MYO15B: variants seen among roughly 807,000 people sequenced by gnomAD.
MYO15B encodes the protein myosin XVB pseudogene.
A neutral mutation model predicts 119.3 loss-of-function variants in MYO15B; 207 were observed. The observed-to-expected ratio is 1.73, with a 90% confidence interval of 1.55 to 1.95. The LOEUF is 1.95. Ranked by LOEUF, MYO15B falls within the 30% of genes most tolerant of loss-of-function variation. The probability of loss-of-function intolerance (pLI) is 0.00; values close to 1 mark genes in which losing one functional copy is unlikely to be tolerated. For synonymous variants in MYO15B, 966 were observed against 498.9 expected (o/e 1.94, Z -12.48); for missense variants, 2,264 against 1,203.1 (o/e 1.88, Z -13.04).
chr17:75,589,513 G>A lies in MYO15B; in HGVS notation c.1456G>A (p.Gly486Arg). 2.5e-6 allele frequency: 1 copy of A among 398,652 alleles called. No individual in the cohort carries two copies. The highest frequency in any genetic ancestry group is 6.3e-4 in the Middle Eastern group (1 of 1,592). 24.7% of individuals were successfully genotyped at this position (398,652 alleles called of 1,614,324 possible). A position where few individuals can be genotyped will look rare whatever the true frequency, so the allele number is the denominator to read the frequency against. ...CCGGGACCACCAGAGAGGGTACGAG[G>A]GGTGGGGCCGTGAGCCCGGGCTGCG... Residue 486 changes from glycine to arginine, a missense_variant, in exon 1 of 64, where the codon GGG (glycine) becomes AGG (arginine). Physicochemically the swap from Gly to Arg is moderately radical, Grantham distance 125. Transcript: ENST00000645453. This position sits in a 1 kb window ranked among gnomAD's most constrained non-coding sequence, Gnocchi z 4.2.
At position 75,619,343 on chromosome 17, in the gene MYO15B, C is replaced by T; in HGVS notation, c.7064-15C>T. 1.4e-6 allele frequency: 1 copy of T among 702,592 alleles called. No homozygotes were observed. The highest frequency in any genetic ancestry group is 2.6e-6 in the Non-Finnish European group (1 of 384,872). 43.5% of individuals were successfully genotyped at this position (702,592 alleles called of 1,614,324 possible). On this transcript the variant is annotated splice_polypyrimidine_tract_variant and intron_variant, in intron 44 of 63. Coordinates refer to ENST00000645453, the Ensembl canonical transcript of MYO15B. The stretch of plus-strand genomic sequence containing the variant: ...TGTGTGAGCAGAGGGCAGCCTGGGT[C>T]CTTCCTGCCCACAGGAGGCTTGGAG...
In MYO15B at chr17:75,589,515, G is replaced by T. The variant is rs1404288957; in HGVS notation, c.1458G>T (p.Gly486=). 3 of 398,476 alleles carry T rather than the reference G, an allele frequency of 7.5e-6. No homozygotes were observed. The highest frequency in any genetic ancestry group is 1.3e-5 in the Non-Finnish European group (3 of 226,086). The allele number at this position is 398,476 out of a possible 1,614,324, so 24.7% of individuals were successfully genotyped here. ...GGGACCACCAGAGAGGGTACGAGGG[G>T]TGGGGCCGTGAGCCCGGGCTGCGGC... The change falls in exon 1 of 64, where the codon GGG becomes GGT. Residue 486 remains glycine, a synonymous_variant. Transcript: ENST00000645453. This position sits in a 1 kb window ranked among gnomAD's most constrained non-coding sequence, Gnocchi z 4.2.
intron 25 of MYO15B, among the ~76,000 whole-genome samples, chr17:75,612,442 G>A (rs956583372): frequency 1.3e-5 from 2 of 152,192 alleles, no homozygotes; most frequent in Non-Finnish European, 2.9e-5. Flanking sequence ...GGAGGCCGAG[G>A]TGGGTGGATC....
intron 14 of MYO15B, chr17:75,600,747 A>C (rs2057223776): frequency 6.6e-6 from 1 of 151,130 alleles, no homozygotes; most frequent in Non-Finnish European, 1.5e-5. Flanking sequence ...CACCATGCCC[A>C]GCTAATTTTT....
chr17:75,617,142 GC>G lies in MYO15B; in HGVS notation c.6656del (p.Pro2219ArgfsTer55). ...GCCAGCTGTGGCTCCTCGACCCAAG[GC>G]CCCGCTACAGCTTGGGCCCTCTAGC... On this transcript the variant is annotated frameshift_variant, in exon 41 of 64. Transcript: ENST00000645453. LOFTEE classifies it high-confidence loss of function. 1 of 686,338 alleles carries G rather than the reference GC, an allele frequency of 1.5e-6. No homozygotes were observed. The highest frequency in any genetic ancestry group is 2.7e-6 in the Non-Finnish European group (1 of 375,166). 42.5% of individuals were successfully genotyped at this position (686,338 alleles called of 1,614,324 possible). A position where few individuals can be genotyped will look rare whatever the true frequency, so the allele number is the denominator to read the frequency against.
chr17:75,588,197 G>A (rs911946190), exon 1 of MYO15B: 1 of 397,878 alleles, frequency 2.5e-6, no homozygotes, highest in African/African-American at 2.1e-5. Context: ...CAGGCGGACA[G>A]GGCGAAACCG....
At chr17:75,601,602 G>A (rs1456967740) in intron 15 of MYO15B, 39 bp downstream of exon 15, 7 of 695,280 alleles carry the variant, frequency 1.0e-5, no homozygotes, top group Non-Finnish European at 1.8e-5. Flanking sequence ...GAATCAGCGA[G>A]GGCAGTGTCC....
At chr17:75,595,879 T>G (rs1598730731) in intron 12 of MYO15B, among the ~76,000 whole-genome samples, 1 of 152,028 alleles carries the variant, frequency 6.6e-6, no homozygotes, top group South Asian at 2.1e-4. Flanking sequence ...GGAGAGGAGG[T>G]GGCCCCTGCC....
intron 14 of MYO15B, among the ~76,000 whole-genome samples, 178 bp from the exon 15 acceptor site, chr17:75,601,260 A>T (rs188521707): frequency 1.4e-4 from 21 of 152,132 alleles, no homozygotes; most frequent in African/African-American, 4.8e-4. Context: ...GCTGATCTCG[A>T]ACTCCTATCC....
chr17:75,624,032 C>T, exon 55 of MYO15B: 1 of 703,014 alleles, frequency 1.4e-6, no homozygotes, highest in East Asian at 2.7e-5. Flanking sequence ...CCCTACCTGA[C>T]CAAGTTTCTG....
Position 75,623,867 on chromosome 17 carries a change from CGGTGGCTTCTGGG to C in MYO15B, c.8156+29_8156+41del, listed in dbSNP as rs1403032027. On this transcript the variant is annotated intron_variant, in intron 54 of 63. Coordinates refer to ENST00000645453, the Ensembl canonical transcript of MYO15B. Reference sequence around the variant, plus strand: ...GACACCCCCGGCCGTGAGTGGGGACCGGTGGCTTCTGGGGGTGGCTTCTGGGGGCAGCTGGGCA... The same window carrying C: ...GACACCCCCGGCCGTGAGTGGGGACCGGTGGCTTCTGGGGGCAGCTGGGCA... 3 of 559,142 alleles carry C rather than the reference CGGTGGCTTCTGGG, an allele frequency of 5.4e-6. No individual in the cohort carries two copies. The highest frequency in any genetic ancestry group is 8.5e-5 in the African/African-American group (2 of 23,606). 34.6% of individuals were successfully genotyped at this position (559,142 alleles called of 1,614,324 possible).
chr17:75,602,835 G>A, exon 17 of MYO15B: 1 of 627,792 alleles, frequency 1.6e-6, no homozygotes, highest in Non-Finnish European at 2.9e-6. Flanking sequence ...CACAGCTGGT[G>A]GGCAGCCTGT....
rs1310597343 is a variant in MYO15B at position 75,591,578 on chromosome 17, C to T, written c.2436-23C>T. ...GTCCTATGTGCCCCTCCCTGGAGAC[C>T]CTACCAACCAACACATCCTTAGCTC... On this transcript the variant is annotated intron_variant, in intron 4 of 63. Coordinates refer to ENST00000645453, the Ensembl canonical transcript of MYO15B. The T allele has an allele frequency of 1.7e-5, 12 of 702,588 alleles. No individual in the cohort carries two copies. The East Asian group carries it at 3.0e-4, about 17-fold the overall frequency. 43.5% of individuals were successfully genotyped at this position (702,588 alleles called of 1,614,324 possible).
exon 46 of MYO15B, chr17:75,619,771 G>A (rs117210177): frequency 0.027 from 18,661 of 702,818 alleles, 313 homozygotes; most frequent in Non-Finnish European, 0.03. Flanking sequence ...CCTCCGCCCC[G>A]ACCAGCTGAA....
At chr17:75,625,647 G>A (rs1010815439) in exon 61 of MYO15B, 25 of 702,924 alleles carry the variant, frequency 3.6e-5, no homozygotes, top group African/African-American at 7.0e-5. Flanking sequence ...AGGAAGCACA[G>A]ATCAGCTTCA....
chr17:75,608,482 A>G (rs984139207), intron 21 of MYO15B, among the ~76,000 whole-genome samples: 5 of 151,964 alleles, frequency 3.3e-5, no homozygotes, highest in African/African-American at 1.2e-4. Context: ...GAGTCTTGCT[A>G]TATCATCCAA....
chr17:75,590,861 C>T (rs2056395113), intron 2 of MYO15B, 46 bp from the exon 3 acceptor site: 2 of 343,128 alleles, frequency 5.8e-6, no homozygotes, highest in Non-Finnish European at 1.1e-5. Context: ...GTTTGCATTC[C>T]CCCTGCTCCC....
chr17:75,589,224 G>T lies in MYO15B; in HGVS notation c.1167G>T (p.Arg389=), dbSNP rs2056261121. 3 of 400,852 alleles carry T rather than the reference G, an allele frequency of 7.5e-6. No individual in the cohort carries two copies. The highest frequency in any genetic ancestry group is 2.1e-5 in the African/African-American group (1 of 48,678). 24.8% of individuals were successfully genotyped at this position (400,852 alleles called of 1,614,324 possible). The stretch of plus-strand genomic sequence containing the variant: ...GGCGGCGGCTGCGGCTGCGGCGGCG[G>T]CCGCCAGAGGGCGAGGGGCAGGGTA... Residue 389 remains arginine (R), a synonymous_variant, in exon 1 of 64, where the codon CGG becomes CGT. Coordinates refer to ENST00000645453, the Ensembl canonical transcript of MYO15B. The surrounding 1 kb of genome is among the most constrained non-coding windows in gnomAD (Gnocchi z 4.2).
chr17:75,625,116 C>T lies in MYO15B; in HGVS notation c.8689-7C>T, dbSNP rs541672428. Reference sequence around the variant, plus strand: ...CCGCTGCCCTCCTCACCGTGCTCCCCGCACAGGTGCTGTGGGACTACCTTC... The same window carrying T: ...CCGCTGCCCTCCTCACCGTGCTCCCTGCACAGGTGCTGTGGGACTACCTTC... On this transcript the variant is annotated splice_region_variant and splice_polypyrimidine_tract_variant and intron_variant, in intron 59 of 63. Transcript: ENST00000645453. 3.2e-5 allele frequency: 22 copies of T among 691,286 alleles called. No homozygotes were observed. Among genetic ancestry groups the T allele is most frequent in the African/African-American group, 1.9e-4 (11 of 57,182 alleles). 42.8% of individuals were successfully genotyped at this position (691,286 alleles called of 1,614,324 possible). A position where few individuals can be genotyped will look rare whatever the true frequency, so the allele number is the denominator to read the frequency against.
Sources: allele counts gnomAD v4.1 joint callset (sites outside exome capture counted in the v4.1 genomes callset), GRCh38; gene constraint gnomAD v4.1.1; non-coding constraint Gnocchi (gnomAD v3.1); transcripts MANE v1.5; gene names NCBI Gene and HGNC (gene_info 2026-07-23, HGNC 2026-07-21).